The following HDAC9 variants were observed in gnomAD, a reference collection of about 807,000 sequenced individuals.
The protein encoded by HDAC9 is histone deacetylase 9.
A neutral mutation model predicts 139.4 loss-of-function variants in HDAC9; 41 were observed. That is an observed-to-expected ratio of 0.29 (90% confidence interval 0.23 to 0.38). The LOEUF is 0.38. Among genes scored for constraint, HDAC9 ranks in the 10% least tolerant of loss-of-function variants. The pLI, the probability that HDAC9 is intolerant of heterozygous loss-of-function variation, is 1.00. For synonymous variants in HDAC9, 517 were observed against 476.2 expected (o/e 1.09, Z -1.12); for missense variants, 1,147 against 1,297.0 (o/e 0.88, Z 1.78).
At chr7:18,617,820 C>G (rs1330476590) in intron 6 of HDAC9, among the ~76,000 whole-genome samples, 1 of 152,120 alleles carries the variant, frequency 6.6e-6, no homozygotes, top group African/African-American at 2.4e-5. Flanking sequence ...AAAATAGGAA[C>G]TAATACACAT....
chr7:18,714,673 T>G (rs1784577538), intron 12 of HDAC9, among the ~76,000 whole-genome samples: 1 of 152,360 alleles, frequency 6.6e-6, no homozygotes, highest in Middle Eastern at 3.4e-3. Context: ...TCTTCATCTC[T>G]TGGCTCAGAG....
At chr7:18,820,694 T>C (rs1404132560) in intron 17 of HDAC9, among the ~76,000 whole-genome samples, 1 of 152,202 alleles carries the variant, frequency 6.6e-6, no homozygotes, top group Non-Finnish European at 1.5e-5. Context: ...TACTGGCCAC[T>C]ATATGTCAGA....
intron 2 of HDAC9, among the ~76,000 whole-genome samples, chr7:18,273,189 C>T (rs879572758): frequency 6.6e-6 from 1 of 151,376 alleles, no homozygotes; most frequent in South Asian, 2.1e-4. Flanking sequence ...ACCTCAGCCT[C>T]CTGAGTAGCT....
intron 2 of HDAC9, among the ~76,000 whole-genome samples, chr7:18,499,456 C>G (rs562267532): frequency 3.3e-5 from 5 of 152,096 alleles, no homozygotes; most frequent in African/African-American, 1.2e-4. Context: ...AATATTAAAT[C>G]TTAGAATTCA....
intron 25 of HDAC9, among the ~76,000 whole-genome samples, chr7:18,977,931 C>CACACAA (rs1423585381): frequency 6.7e-6 from 1 of 149,344 alleles, no homozygotes; most frequent in Non-Finnish European, 1.5e-5. Flanking sequence ...CACACACACA[C>CACACAA]ACACACACAC....
At chr7:18,741,569 C>A (rs1274843999) in intron 13 of HDAC9, among the ~76,000 whole-genome samples, 1 of 152,198 alleles carries the variant, frequency 6.6e-6, no homozygotes, top group African/African-American at 2.4e-5. Flanking sequence ...TGGACATGTG[C>A]AATGAGATTA....
rs569130853 is a variant in HDAC9 at position 18,320,678 on chromosome 7, GAT to G, written c.-42+30167_-42+30168del. On this transcript the variant is annotated intron_variant, in intron 1 of 3. Transcript: ENST00000413509. Reference sequence around the variant, plus strand: ...GGAGGAAGGGATCTCTATTTTGGTAGATATAATTATGTCCTTTAGTGAATTTC... The same window carrying G: ...GGAGGAAGGGATCTCTATTTTGGTAGATAATTATGTCCTTTAGTGAATTTC... Among the ~76,000 whole-genome samples, 3 of 152,278 alleles carry G rather than the reference GAT, an allele frequency of 2.0e-5. No individual in the cohort carries two copies. In the South Asian group the frequency reaches 6.2e-4, roughly 32 times the overall value.
intron 14 of HDAC9, among the ~76,000 whole-genome samples, chr7:18,751,365 C>T (rs1788429629): frequency 6.6e-6 from 1 of 152,078 alleles, no homozygotes; most frequent in African/African-American, 2.4e-5. Context: ...AGATTAAGCA[C>T]AAACATCATA....
chr7:18,225,887 A>G (rs1793020720), intron 2 of HDAC9, among the ~76,000 whole-genome samples: 1 of 152,178 alleles, frequency 6.6e-6, no homozygotes, highest in Non-Finnish European at 1.5e-5. Flanking sequence ...TATAAAATTT[A>G]TTAAGTCATA....
intron 11 of HDAC9, among the ~76,000 whole-genome samples, chr7:18,663,168 A>G (rs774045386): frequency 2.0e-5 from 3 of 152,032 alleles, no homozygotes. Flanking sequence ...GAAAGGAATG[A>G]TGTTTGAAAT....
At position 18,968,755 on chromosome 7, in the gene HDAC9, C is replaced by T. The variant is rs543875226; in HGVS notation, c.3023-7051C>T. Reference sequence around the variant, plus strand: ...CGGGCGGATCAGGAGGTCAGGAGATCGAGACCATCCTGGCTAACAGGGTGA... The same window carrying T: ...CGGGCGGATCAGGAGGTCAGGAGATTGAGACCATCCTGGCTAACAGGGTGA... On this transcript the variant is annotated intron_variant, in intron 24 of 25. Coordinates refer to ENST00000686413, the MANE Select transcript of HDAC9 (RefSeq NM_178425.4). Among the ~76,000 whole-genome samples the T allele has an allele frequency of 3.9e-5, 6 of 152,006 alleles. No homozygotes were observed. The South Asian group carries it at 6.2e-4, about 16-fold the overall frequency.
chr7:18,812,822 G>T (rs1794281626), intron 17 of HDAC9, among the ~76,000 whole-genome samples: 1 of 151,896 alleles, frequency 6.6e-6, no homozygotes, highest in Non-Finnish European at 1.5e-5. Context: ...GGACATTGAG[G>T]ACTCTGTTCA....
At chr7:18,431,440 A>AT (rs1404200861) in intron 1 of HDAC9, among the ~76,000 whole-genome samples, 1 of 152,006 alleles carries the variant, frequency 6.6e-6, no homozygotes, top group East Asian at 1.9e-4. Flanking sequence ...TTTTCCATTT[A>AT]TTTTTTCTTC....
intron 16 of HDAC9, among the ~76,000 whole-genome samples, chr7:18,780,220 A>C (rs1034422534): frequency 6.6e-6 from 1 of 152,086 alleles, no homozygotes; most frequent in African/African-American, 2.4e-5. Context: ...CTATGAAGTA[A>C]GGTGATAAAT....
At chr7:18,296,996 G>A (rs1348977111) in intron 1 of HDAC9, among the ~76,000 whole-genome samples, 1 of 152,166 alleles carries the variant, frequency 6.6e-6, no homozygotes, top group African/African-American at 2.4e-5. Context: ...ACTTGTACTT[G>A]CCATGGAAGC....
chr7:18,140,991 G>A (rs773875057), intron 1 of HDAC9, among the ~76,000 whole-genome samples: 36 of 151,402 alleles, frequency 2.4e-4, no homozygotes, highest in Non-Finnish European at 5.9e-5. Flanking sequence ...TCAATGAGCA[G>A]CATTTTTATT....
chr7:18,251,627 A>C (rs1331174161), intron 2 of HDAC9, among the ~76,000 whole-genome samples: 2 of 152,204 alleles, frequency 1.3e-5, no homozygotes, highest in African/African-American at 4.8e-5. Flanking sequence ...AAAACAAATG[A>C]AAGTGACATT....
intron 2 of HDAC9, among the ~76,000 whole-genome samples, chr7:18,518,886 T>C (rs1804075115): frequency 6.6e-6 from 1 of 152,218 alleles, no homozygotes; most frequent in African/African-American, 2.4e-5. Context: ...AATGTTTATT[T>C]TCTAGATTCT....
intron 22 of HDAC9, among the ~76,000 whole-genome samples, chr7:18,933,680 G>A (rs943161920): frequency 6.6e-6 from 1 of 152,012 alleles, no homozygotes; most frequent in Non-Finnish European, 1.5e-5. Flanking sequence ...GCATGAACAT[G>A]AATCAGCAGA....
Sources: gnomAD v4.1 joint callset for allele counts (sites outside exome capture counted in the v4.1 genomes callset) on GRCh38, gnomAD v4.1.1 for gene constraint, MANE v1.5 for transcripts, NCBI Gene and HGNC (gene_info 2026-07-23, HGNC 2026-07-21) for gene names.